The following GDAP1 variants were observed in gnomAD, a reference collection of about 807,000 sequenced individuals.
GDAP1 encodes the protein ganglioside-induced differentiation-associated protein 1.
Under a neutral mutation model 40.1 loss-of-function variants are expected in GDAP1, and 34 were observed. The ratio of observed to expected loss-of-function variants is 0.85; its 90% CI spans 0.64 to 1.13. The LOEUF is 1.13. Ranked by LOEUF, GDAP1 falls within the 50% of genes most tolerant of loss-of-function variation. GDAP1 has a pLI of 0.00. For synonymous variants in GDAP1, 170 were observed against 157.4 expected, an observed-to-expected ratio of 1.08 and a Z score of -0.60; for missense variants, 374 against 433.7, an observed-to-expected ratio of 0.86 and a Z score of 1.22.
At chr8:74,362,019 G>T in intron 4 of GDAP1, 41 bp downstream of exon 4, 1 of 993,156 alleles carries the variant, frequency 1.0e-6, no homozygotes, top group South Asian at 1.3e-5. Flanking sequence ...ACACTGCACG[G>T]AGTAAATGTT....
chr8:74,431,191 T>C (rs926531987), intron 2 of GDAP1, among the ~76,000 whole-genome samples: 2 of 150,430 alleles, frequency 1.3e-5, no homozygotes, highest in African/African-American at 2.5e-5. Flanking sequence ...TGATGTATGA[T>C]ATTTATGAGC....
intron 2 of GDAP1, among the ~76,000 whole-genome samples, chr8:74,352,142 A>G (rs1488087710): frequency 1.3e-5 from 2 of 152,234 alleles, no homozygotes; most frequent in African/African-American, 4.8e-5. Context: ...TAATATAGCT[A>G]TTGTATGGCA....
intron 2 of GDAP1, among the ~76,000 whole-genome samples, chr8:74,383,304 G>A (rs982082492): frequency 2.0e-5 from 3 of 152,168 alleles, no homozygotes; most frequent in Non-Finnish European, 4.4e-5. Flanking sequence ...TTTCAGCCCA[G>A]CATTTAACTC....
intron 2 of GDAP1, among the ~76,000 whole-genome samples, chr8:74,419,633 A>C (rs915460715): frequency 3.3e-5 from 5 of 152,154 alleles, no homozygotes; most frequent in Non-Finnish European, 5.9e-5. Flanking sequence ...TTTTCTTGAT[A>C]ATGTCTTTTA....
rs1215650247 is a variant in GDAP1, at chr8:74,365,607, G to A, written c.*1240G>A. 2.2e-6 allele frequency: 1 copy of A among 454,414 alleles called. No homozygotes were observed. The highest frequency in any genetic ancestry group is 4.4e-6 in the Non-Finnish European group (1 of 226,768). The allele number at this position is 454,414 out of a possible 1,614,324, so 28.1% of individuals were successfully genotyped here. A position where few individuals can be genotyped will look rare whatever the true frequency, so the allele number is the denominator to read the frequency against. On this transcript the variant is annotated 3_prime_UTR_variant, in exon 6 of 6. Transcript: ENST00000220822. ...AGCAGGCATAGAGATGATGTGCCGA[G>A]GTCCCAGTGAACAACAGTAGCCAAA...
chr8:74,407,303 A>G (rs1205511544), intron 2 of GDAP1, among the ~76,000 whole-genome samples: 2 of 149,690 alleles, frequency 1.3e-5, no homozygotes, highest in Non-Finnish European at 1.5e-5. Flanking sequence ...ATTGAATCGA[A>G]GTATTGTTTC....
intron 2 of GDAP1, among the ~76,000 whole-genome samples, chr8:74,390,581 T>C (rs1810093036): frequency 6.6e-6 from 1 of 152,180 alleles, no homozygotes; most frequent in Non-Finnish European, 1.5e-5. Context: ...ACCCGCCAGA[T>C]GCCAGCCAGA....
chr8:74,412,354 GA>G (rs753039949), intron 2 of GDAP1, among the ~76,000 whole-genome samples: 28 of 150,266 alleles, frequency 1.9e-4, no homozygotes, highest in Non-Finnish European at 3.8e-4. Flanking sequence ...TGAAGTTCCA[GA>G]AAGAGCAAAG....
intron 2 of GDAP1, among the ~76,000 whole-genome samples, chr8:74,398,418 A>G (rs925953846): frequency 6.6e-6 from 1 of 152,142 alleles, no homozygotes; most frequent in Non-Finnish European, 1.5e-5. Flanking sequence ...ACTTTGCTGA[A>G]GTTGCTTCTC....
intron 2 of GDAP1, among the ~76,000 whole-genome samples, chr8:74,481,598 T>C (rs1806711684): frequency 6.6e-6 from 1 of 152,204 alleles, no homozygotes; most frequent in African/African-American, 2.4e-5. Flanking sequence ...TTTTGGGCAA[T>C]AACAACTCCC....
rs6982840 is a variant in GDAP1, at chr8:74,365,287, C to G, written c.*920C>G. The G allele has an allele frequency of 2.0e-3, 929 of 454,076 alleles. 8 individuals are homozygous for G. Among genetic ancestry groups the G allele is most frequent in the African/African-American group, 0.015 (730 of 50,116 alleles). 28.1% of individuals were successfully genotyped at this position (454,076 alleles called of 1,614,324 possible). The stretch of plus-strand genomic sequence containing the variant: ...TCCAGATCTTTCATCTGTTTATGAT[C>G]ATCAACAAAGACTTGTTAGAAAGGT... On this transcript the variant is annotated 3_prime_UTR_variant, in exon 6 of 6. Transcript: ENST00000220822.
intron 2 of GDAP1, among the ~76,000 whole-genome samples, chr8:74,391,747 T>C (rs1422170809): frequency 2.0e-5 from 3 of 152,118 alleles, no homozygotes; most frequent in Non-Finnish European, 4.4e-5. Context: ...CTTAAGAATA[T>C]TAGGACATAG....
chr8:74,400,867 G>A (rs1480152230), intron 2 of GDAP1, among the ~76,000 whole-genome samples: 1 of 149,496 alleles, frequency 6.7e-6, no homozygotes, highest in Non-Finnish European at 1.5e-5. Flanking sequence ...CTTTAAGAAT[G>A]TTGAATATTG....
At chr8:74,400,129 T>C (rs1364231038) in intron 2 of GDAP1, among the ~76,000 whole-genome samples, 2 of 149,552 alleles carry the variant, frequency 1.3e-5, no homozygotes, top group Non-Finnish European at 2.9e-5. Flanking sequence ...CTCGTTGATC[T>C]GTCTAATGTT....
chr8:74,407,284 G>A (rs10957716), intron 2 of GDAP1, among the ~76,000 whole-genome samples: 55,820 of 149,192 alleles, frequency 0.37, 11,625 homozygotes, highest in Middle Eastern at 0.46. Context: ...AATATTAAGC[G>A]TCAACTTGAT....
intron 2 of GDAP1, among the ~76,000 whole-genome samples, chr8:74,371,890 A>G (rs1162999291): frequency 1.3e-5 from 2 of 152,050 alleles, no homozygotes; most frequent in South Asian, 2.1e-4. Context: ...CGTCATTTAC[A>G]TTAGGTATAT....
intron 2 of GDAP1, among the ~76,000 whole-genome samples, chr8:74,449,466 T>C (rs1806271031): frequency 6.6e-6 from 1 of 151,914 alleles, no homozygotes; most frequent in Non-Finnish European, 1.5e-5. Context: ...GAACATGGTA[T>C]ATATCTTCAT....
In GDAP1 at chr8:74,364,532, A is replaced by G. The variant is rs1809531723; in HGVS notation, c.*165A>G. On this transcript the variant is annotated 3_prime_UTR_variant, in exon 6 of 6. Transcript: ENST00000220822. ...ACAGGGGTTCAGGTAGCAATAGGACACAAAATTGCTTTATTCTACAACTGC... is the reference window on the plus strand; with the variant it reads ...ACAGGGGTTCAGGTAGCAATAGGACGCAAAATTGCTTTATTCTACAACTGC... 1 of 757,930 alleles carries G rather than the reference A, an allele frequency of 1.3e-6. No individual in the cohort carries two copies. The highest frequency in any genetic ancestry group is 1.7e-5 in the African/African-American group (1 of 58,296). 47.0% of individuals were successfully genotyped at this position (757,930 alleles called of 1,614,324 possible). A position where few individuals can be genotyped will look rare whatever the true frequency, so the allele number is the denominator to read the frequency against.
At chr8:74,359,257 C>A (rs939741390) in intron 2 of GDAP1, among the ~76,000 whole-genome samples, 1 of 152,162 alleles carries the variant, frequency 6.6e-6, no homozygotes, top group African/African-American at 2.4e-5. Context: ...TCCTGCAGCA[C>A]TTCTCCAGCT....
Sources: allele counts gnomAD v4.1 joint callset (sites outside exome capture counted in the v4.1 genomes callset), GRCh38; gene constraint gnomAD v4.1.1; transcripts MANE v1.5; gene names NCBI Gene and HGNC (gene_info 2026-07-23, HGNC 2026-07-21).